The following UBAP1 variants were observed in gnomAD, a reference collection of about 807,000 sequenced individuals.
The protein encoded by UBAP1 is ubiquitin associated protein 1, also known as ubiquitin-associated protein 1.
UBAP1 carries 5 observed loss-of-function variants against 39.0 expected under a neutral mutation model. The observed-to-expected ratio is 0.13, with a 90% CI of 0.07 to 0.27. The LOEUF (loss-of-function observed/expected upper bound fraction) is 0.27. Ranked by LOEUF, UBAP1 falls within the 10% of genes least tolerant of loss-of-function variation. The pLI, the probability that UBAP1 is intolerant of heterozygous loss-of-function variation, is 1.00. For synonymous variants in UBAP1, 211 were observed against 225.1 expected, an observed-to-expected ratio of 0.94 and a Z score of 0.56; for missense variants, 490 against 608.1, an observed-to-expected ratio of 0.81 and a Z score of 2.04.
At chr9:34,207,889 C>A (rs1273460638) in intron 1 of UBAP1, among the ~76,000 whole-genome samples, 1 of 152,102 alleles carries the variant, frequency 6.6e-6, no homozygotes, top group Non-Finnish European at 1.5e-5. Flanking sequence ...AGTTTCTTAT[C>A]TGAGTTTTTA....
intron 2 of UBAP1, among the ~76,000 whole-genome samples, chr9:34,228,086 G>A (rs1001799901): frequency 1.3e-4 from 20 of 152,042 alleles, no homozygotes; most frequent in Non-Finnish European, 2.6e-4. Context: ...TGGTGATGAC[G>A]TCACTGCACT....
intron 4 of UBAP1, among the ~76,000 whole-genome samples, chr9:34,247,634 G>T (rs569378452): frequency 1.3e-3 from 191 of 152,150 alleles, no homozygotes; most frequent in Non-Finnish European, 2.0e-3. Flanking sequence ...GTGTTGGTCA[G>T]GCTGGTCTTG....
chr9:34,186,881 G>GT (rs979089595), intron 1 of UBAP1, among the ~76,000 whole-genome samples: 3 of 151,800 alleles, frequency 2.0e-5, no homozygotes, highest in African/African-American at 7.3e-5. Context: ...GTCTTTCATG[G>GT]TTTGTGTTTT....
intron 1 of UBAP1, among the ~76,000 whole-genome samples, chr9:34,204,275 C>G (rs1831561130): frequency 6.6e-6 from 1 of 152,156 alleles, no homozygotes; most frequent in East Asian, 1.9e-4. Flanking sequence ...GACGACAGAG[C>G]AAGACTCTGT....
At chr9:34,224,463 G>T in intron 2 of UBAP1, 1 of 387,872 alleles carries the variant, frequency 2.6e-6, no homozygotes, top group Non-Finnish European at 4.9e-6. Flanking sequence ...CTTAGGGCAC[G>T]GTATTTCTTG....
chr9:34,238,817 T>C (rs1258451759), intron 3 of UBAP1, among the ~76,000 whole-genome samples: 1 of 152,224 alleles, frequency 6.6e-6, no homozygotes, highest in Non-Finnish European at 1.5e-5. Context: ...ACACCTGTCT[T>C]GTTTCTCATT....
In UBAP1 at chr9:34,241,436, T is replaced by C; in HGVS notation, c.411T>C (p.Ser137=). The part of the protein sequence containing the change: ...NSILTPTRVS[S]SATKQKVLSP... ...TCCTCACACCAACTCGGGTCAGCAG[T>C]AGTGCCACGAAACAGAAAGTTCTCA... is the stretch of plus-strand genomic sequence containing the variant. Residue 137 remains serine (S), a synonymous_variant, in exon 4 of 7, where the codon AGT becomes AGC. Transcript: ENST00000297661. 6.2e-7 allele frequency: 1 copy of C among 1,601,010 alleles called. No homozygotes were observed. Among genetic ancestry groups the C allele is most frequent in the Non-Finnish European group, 8.5e-7 (1 of 1,173,064 alleles).
chr9:34,195,439 G>A (rs556645833), intron 1 of UBAP1, among the ~76,000 whole-genome samples: 1 of 151,648 alleles, frequency 6.6e-6, no homozygotes, highest in Admixed American at 6.6e-5. Flanking sequence ...AAAATATTTT[G>A]TCCATGTCTA....
At chr9:34,228,736 A>ATTTTTT (rs55715947) in intron 2 of UBAP1, among the ~76,000 whole-genome samples, 2 of 140,894 alleles carry the variant, frequency 1.4e-5, no homozygotes, top group Non-Finnish European at 3.1e-5. Context: ...TGCCTAGCTA[A>ATTTTTT]TTTTTTTTTT....
At chr9:34,199,898 G>A (rs961772377) in intron 1 of UBAP1, among the ~76,000 whole-genome samples, 2 of 150,040 alleles carry the variant, frequency 1.3e-5, no homozygotes, top group African/African-American at 2.5e-5. Flanking sequence ...CTTCTGCCTC[G>A]GCCTTGCAAA....
chr9:34,223,546 C>T (rs1832874850), intron 2 of UBAP1, among the ~76,000 whole-genome samples: 1 of 152,168 alleles, frequency 6.6e-6, no homozygotes, highest in Non-Finnish European at 1.5e-5. Flanking sequence ...GCTCTGCCTC[C>T]TGGGCTCACG....
chr9:34,192,800 C>T lies in UBAP1; in HGVS notation c.-8+13560C>T, dbSNP rs374583345. On this transcript the variant is annotated intron_variant, in intron 1 of 6. Coordinates refer to ENST00000297661, the MANE Select transcript of UBAP1 (RefSeq NM_016525.5). ...ATTTATTATTTGTTTAACTTTTAGCCCCTGCAAAGAAATATAATTTAGATT... is the reference window on the plus strand; with the variant it reads ...ATTTATTATTTGTTTAACTTTTAGCTCCTGCAAAGAAATATAATTTAGATT... 9.2e-5 allele frequency among the ~76,000 whole-genome samples: 14 copies of T among 151,824 alleles called. 1 individual carries two copies. The South Asian group carries it at 2.5e-3, about 27-fold the overall frequency.
At chr9:34,181,792 C>T (rs1168532856) in intron 1 of UBAP1, among the ~76,000 whole-genome samples, 1 of 143,598 alleles carries the variant, frequency 7.0e-6, no homozygotes, top group African/African-American at 2.6e-5. Context: ...AATATGAAAA[C>T]TTCTTCAGTT....
intron 4 of UBAP1, among the ~76,000 whole-genome samples, chr9:34,246,552 A>G (rs948974393): frequency 6.6e-6 from 1 of 152,250 alleles, no homozygotes; most frequent in Non-Finnish European, 1.5e-5. Flanking sequence ...TGGGCATGAC[A>G]TGGTAACTGA....
At chr9:34,184,961 T>C (rs1384987248) in intron 1 of UBAP1, among the ~76,000 whole-genome samples, 5 of 112,256 alleles carry the variant, frequency 4.5e-5, no homozygotes. Context: ...TGAGATGAAG[T>C]CTCGCTCTTA....
rs397894315 is a variant in UBAP1 at position 34,235,331 on chromosome 9, G to GTGTA, written c.159+992_159+993insGTAT. Among the ~76,000 whole-genome samples the GTGTA allele has an allele frequency of 3.6e-3, 529 of 145,380 alleles. 2 individuals are homozygous for GTGTA. Among genetic ancestry groups the GTGTA allele is most frequent in the East Asian group, 0.01 (48 of 4,764 alleles). On this transcript the variant is annotated intron_variant, in intron 3 of 6. Coordinates refer to ENST00000297661, the MANE Select transcript of UBAP1 (RefSeq NM_016525.5). ...TATGTGTGTGTGTGTGTGTGTGTGT[G>GTGTA]TATATATATATGTATGTATTTTTTT... is the stretch of plus-strand genomic sequence containing the variant.
chr9:34,219,694 T>TCC (rs1437704340), intron 1 of UBAP1, among the ~76,000 whole-genome samples: 1 of 65,292 alleles, frequency 1.5e-5, no homozygotes, highest in Non-Finnish European at 3.2e-5. Context: ...TCCCCTCCTT[T>TCC]CCTCTCCTCT....
chr9:34,251,414 T>C lies in UBAP1; in HGVS notation c.1391T>C (p.Met464Thr), dbSNP rs772171759. Residue 464 changes from methionine (M) to threonine (T), a missense_variant, in exon 7 of 7, where the codon ATG becomes ACG. Around this residue, in one of 3 missense-constraint regions of UBAP1, gnomAD observed 339 missense variants for 390.0 expected, o/e 0.87. Coordinates refer to ENST00000297661, the MANE Select transcript of UBAP1 (RefSeq NM_016525.5). ...EEKMMEFLQL[M>T]SKFKEMGFEL... ...TAGATGATGGAGTTTCTTCAGTTAA[T>C]GAGCAAATTTAAGGAGATGGGCTTT... 5 of 1,614,218 alleles carry C rather than the reference T, an allele frequency of 3.1e-6. No individual in the cohort carries two copies. The East Asian group carries it at 8.9e-5, about 29-fold the overall frequency.
chr9:34,190,897 C>T (rs1830682620), intron 1 of UBAP1, among the ~76,000 whole-genome samples: 1 of 151,570 alleles, frequency 6.6e-6, no homozygotes, highest in Non-Finnish European at 1.5e-5. Context: ...ATCCACCTGC[C>T]TCGGCCTCCC....
Sources: gnomAD v4.1 joint callset for allele counts (sites outside exome capture counted in the v4.1 genomes callset) on GRCh38, gnomAD v4.1.1 for gene constraint, gnomAD v4.1.1 regional missense constraint, MANE v1.5 for transcripts, NCBI Gene and HGNC (gene_info 2026-07-23, HGNC 2026-07-21) for gene names.